The following MAPK8IP1 variants were observed in gnomAD, a reference collection of about 807,000 sequenced individuals.
MAPK8IP1 encodes mitogen-activated protein kinase 8 interacting protein 1.
In MAPK8IP1, 17 loss-of-function variants were observed where a neutral mutation model predicts 72.6. That is an observed-to-expected ratio of 0.23 (90% CI 0.16 to 0.35). The LOEUF is 0.35. MAPK8IP1 is among the 10% of genes least tolerant of loss of function. MAPK8IP1 has a pLI of 1.00. For synonymous variants in MAPK8IP1, 401 were observed against 443.4 expected (o/e 0.90, Z 1.20); for missense variants, 789 against 1,009.7 (o/e 0.78, Z 2.96).
rs1157844434 is a variant in MAPK8IP1 at position 45,885,683 on chromosome 11, G to A, written c.-138G>A. The A allele has an allele frequency of 2.6e-6, 1 of 382,786 alleles. No homozygotes were observed. Among genetic ancestry groups the A allele is most frequent in the Non-Finnish European group, 4.5e-6 (1 of 222,804 alleles). 23.7% of individuals were successfully genotyped at this position (382,786 alleles called of 1,614,324 possible). A position where few individuals can be genotyped will look rare whatever the true frequency, so the allele number is the denominator to read the frequency against. The stretch of plus-strand genomic sequence containing the variant: ...CGGGCCGTGCGCGGTGCTGTGCCGC[G>A]CCCTGCCAGACACAGGTGCGCCCGC... On this transcript the variant is annotated 5_prime_UTR_variant, in exon 1 of 12. Coordinates refer to ENST00000241014, the MANE Select transcript of MAPK8IP1 (RefSeq NM_005456.4).
intron 1 of MAPK8IP1, among the ~76,000 whole-genome samples, chr11:45,886,836 G>T (rs912999109): frequency 2.0e-5 from 3 of 152,120 alleles, no homozygotes; most frequent in African/African-American, 7.2e-5. Context: ...TCGAGAACTG[G>T]CGCCTTCCCC....
Position 45,903,238 on chromosome 11 carries a change from C to G in MAPK8IP1, c.1417+54C>G. Reference sequence around the variant, plus strand: ...GGGGGGGTCCCTAGCGGGGGCAGAGCCAAAATGCGAAGTGTTCTGGGAGGC... The same window carrying G: ...GGGGGGGTCCCTAGCGGGGGCAGAGGCAAAATGCGAAGTGTTCTGGGAGGC... On this transcript the variant is annotated intron_variant, in intron 5 of 11. Coordinates refer to ENST00000241014, the MANE Select transcript of MAPK8IP1 (RefSeq NM_005456.4). The surrounding 1 kb of genome is among the most constrained non-coding windows in gnomAD (Gnocchi z 6.4). The G allele has an allele frequency of 1.3e-6, 2 of 1,587,188 alleles. No homozygotes were observed. The highest frequency in any genetic ancestry group is 1.7e-6 in the Non-Finnish European group (2 of 1,165,282).
At position 45,900,146 on chromosome 11, in the gene MAPK8IP1, C is replaced by T; in HGVS notation, c.216C>T (p.Arg72=). 7.8e-7 allele frequency: 1 copy of T among 1,279,680 alleles called. No individual in the cohort carries two copies. Among genetic ancestry groups the T allele is most frequent in the Non-Finnish European group, 9.8e-7 (1 of 1,018,388 alleles). The allele number at this position is 1,279,680 out of a possible 1,614,324, so 79.3% of individuals were successfully genotyped here. A position where few individuals can be genotyped will look rare whatever the true frequency, so the allele number is the denominator to read the frequency against. ...CKDTLSLRPP[R]AGLLSAGGGG... ...CTCCGTGCGCTGTGCAGCCCCCGCG[C>T]GCCGGGCTGCTCTCTGCGGGCGGCG... Residue 72 remains arginine (R), a synonymous_variant, in exon 3 of 12, where the codon CGC becomes CGT. Coordinates refer to ENST00000241014, the MANE Select transcript of MAPK8IP1 (RefSeq NM_005456.4). The surrounding 1 kb of genome is among the most constrained non-coding windows in gnomAD (Gnocchi z 6.5).
Position 45,885,909 on chromosome 11 carries a change from C to G in MAPK8IP1, c.89C>G (p.Pro30Arg). The G allele has an allele frequency of 6.8e-7, 1 of 1,477,546 alleles. No homozygotes were observed. The highest frequency in any genetic ancestry group is 9.0e-7 in the Non-Finnish European group (1 of 1,110,724). 91.5% of individuals were successfully genotyped at this position (1,477,546 alleles called of 1,614,324 possible). ...SPFLGLHIAS[P>R]PNFRLTHDIS... Reference sequence around the variant, plus strand: ...TTCCTGGGGCTGCACATCGCTTCGCCTCCCAATTTCAGGTGAGAGTCCCCG... The same window carrying G: ...TTCCTGGGGCTGCACATCGCTTCGCGTCCCAATTTCAGGTGAGAGTCCCCG... Residue 30 changes from proline to arginine, a missense_variant, in exon 1 of 12, where the codon CCT becomes CGT. Physicochemically the swap from Pro to Arg is moderately radical, Grantham distance 103. Coordinates refer to ENST00000241014, the MANE Select transcript of MAPK8IP1 (RefSeq NM_005456.4).
intron 1 of MAPK8IP1, among the ~76,000 whole-genome samples, chr11:45,893,903 A>G (rs1411772103): frequency 1.3e-5 from 2 of 151,414 alleles, no homozygotes; most frequent in African/African-American, 2.4e-5. Context: ...GGGACCCCCC[A>G]GGGTTTTAGC....
rs112993823 is a variant in MAPK8IP1, at chr11:45,904,260, G to A, written c.1666+99G>A. On this transcript the variant is annotated intron_variant, in intron 7 of 11. Transcript: ENST00000241014. This position sits in a 1 kb window ranked among gnomAD's most constrained non-coding sequence, Gnocchi z 6.4. ...TACTCCAGATCTCAGCCAGCCAGGT[G>A]GGGGGCTGAGTGGAAGTGATTTTAG... 1.6e-5 allele frequency: 22 copies of A among 1,387,762 alleles called. No individual in the cohort carries two copies. Among genetic ancestry groups the A allele is most frequent in the African/African-American group, 2.9e-5 (2 of 69,842 alleles). 86.0% of individuals were successfully genotyped at this position (1,387,762 alleles called of 1,614,324 possible). A position where few individuals can be genotyped will look rare whatever the true frequency, so the allele number is the denominator to read the frequency against.
rs1431869925 is a variant in MAPK8IP1 at position 45,901,976 on chromosome 11, A to G, written c.523-4A>G. On this transcript the variant is annotated splice_polypyrimidine_tract_variant and splice_region_variant and intron_variant, in intron 3 of 11. Coordinates refer to ENST00000241014, the MANE Select transcript of MAPK8IP1 (RefSeq NM_005456.4). ...ATCACAAGAGCCTTTTGTTCCCTGC[A>G]CAGGACACACTGAATAATAATTCTC... is the stretch of plus-strand genomic sequence containing the variant. 6 of 1,613,078 alleles carry G rather than the reference A, an allele frequency of 3.7e-6. No homozygotes were observed. The highest frequency in any genetic ancestry group is 2.7e-5 in the African/African-American group (2 of 74,894).
rs1462941475 is a variant in MAPK8IP1, at chr11:45,906,427, C to A, written c.*706C>A. On this transcript the variant is annotated 3_prime_UTR_variant, in exon 12 of 12. Transcript: ENST00000241014. ...GGCCAGCCCCATCTTGGTCCTGTCA[C>A]CCTGGCCCCAACTATTAAAGTGCCA... is the stretch of plus-strand genomic sequence containing the variant. 3.5e-6 allele frequency: 4 copies of A among 1,150,612 alleles called. No homozygotes were observed. The African/African-American group carries it at 6.3e-5, about 18-fold the overall frequency. The allele number at this position is 1,150,612 out of a possible 1,614,324, so 71.3% of individuals were successfully genotyped here.
At chr11:45,887,579 C>T (rs747402715) in intron 1 of MAPK8IP1, among the ~76,000 whole-genome samples, 1 of 152,242 alleles carries the variant, frequency 6.6e-6, no homozygotes, top group Non-Finnish European at 1.5e-5. Flanking sequence ...CACTCTACGT[C>T]CCAGCCCTGC....
chr11:45,902,747 C>A lies in MAPK8IP1; in HGVS notation c.980C>A (p.Pro327His). Residue 327 changes from proline to histidine, a missense_variant, in exon 5 of 12, where the codon CCC becomes CAC. Coordinates refer to ENST00000241014, the MANE Select transcript of MAPK8IP1 (RefSeq NM_005456.4). This position sits in a 1 kb window ranked among gnomAD's most constrained non-coding sequence, Gnocchi z 9.3. ...CCCTCCACGGCAGGGCGGCCGCACC[C>A]CTCCATCAGTGAAGAGGAAGAGGGC... is the stretch of plus-strand genomic sequence containing the variant. ...AYPSTAGRPH[P>H]SISEEEEGFD... is the part of the protein sequence containing the mutation. The A allele has an allele frequency of 6.2e-7, 1 of 1,604,610 alleles. No homozygotes were observed. Among genetic ancestry groups the A allele is most frequent in the African/African-American group, 1.3e-5 (1 of 74,996 alleles).
Position 45,902,831 on chromosome 11 carries a change from G to C in MAPK8IP1, c.1064G>C (p.Ser355Thr), listed in dbSNP as rs776086624. 7.6e-6 allele frequency: 12 copies of C among 1,580,220 alleles called. No individual in the cohort carries two copies. In the Admixed American group the frequency reaches 1.6e-4, roughly 21 times the overall value. Reference sequence around the variant, plus strand: ...CCCCCAGGCGGAGGGTGGCGGGGGAGCCTGGGGGAGCCGCCGCCACCTCCA... The same window carrying C: ...CCCCCAGGCGGAGGGTGGCGGGGGACCCTGGGGGAGCCGCCGCCACCTCCA... ...AEPPGGGWRG[S>T]LGEPPPPPRA... Residue 355 changes from serine (S) to threonine (T), a missense_variant, in exon 5 of 12, where the codon AGC (serine) becomes ACC (threonine). Physicochemically the swap from Ser to Thr is moderately conservative, Grantham distance 58. Transcript: ENST00000241014. This position sits in a 1 kb window ranked among gnomAD's most constrained non-coding sequence, Gnocchi z 9.3.
At position 45,903,277 on chromosome 11, in the gene MAPK8IP1, A is replaced by C; in HGVS notation, c.1418-88A>C. ...GTTCTGGGAGGCGACCCCAGGCCCC[A>C]TCTGGTTAGGACTGAGGCTTCTACC... is the stretch of plus-strand genomic sequence containing the variant. On this transcript the variant is annotated intron_variant, in intron 5 of 11. Coordinates refer to ENST00000241014, the MANE Select transcript of MAPK8IP1 (RefSeq NM_005456.4). The surrounding 1 kb of genome is among the most constrained non-coding windows in gnomAD (Gnocchi z 6.4). 1 of 1,584,868 alleles carries C rather than the reference A, an allele frequency of 6.3e-7. No homozygotes were observed. Among genetic ancestry groups the C allele is most frequent in the Non-Finnish European group, 8.6e-7 (1 of 1,159,244 alleles).
chr11:45,895,562 G>A (rs182923418), intron 1 of MAPK8IP1, among the ~76,000 whole-genome samples: 1 of 150,792 alleles, frequency 6.6e-6, no homozygotes, highest in African/African-American at 2.4e-5. Context: ...AGAGGCTGCG[G>A]TGAGCCAAGA....
In MAPK8IP1 at chr11:45,903,100, G is replaced by A. The variant is rs1162198438; in HGVS notation, c.1333G>A (p.Glu445Lys). The change falls in exon 5 of 12, where the codon GAG (glutamate) becomes AAG (lysine). Residue 445 changes from glutamate (E) to lysine (K), a missense_variant. Coordinates refer to ENST00000241014, the MANE Select transcript of MAPK8IP1 (RefSeq NM_005456.4). The surrounding 1 kb of genome is among the most constrained non-coding windows in gnomAD (Gnocchi z 6.4). ...PRPQPPACLS[E>K]DSTPDEPDVH... ...GCCCCAGCCCCCTGCCTGCCTCTCC[G>A]AGGACTCCACGCCTGATGAACCCGA... 16 of 1,611,360 alleles carry A rather than the reference G, an allele frequency of 9.9e-6. No individual in the cohort carries two copies. Among genetic ancestry groups the A allele is most frequent in the East Asian group, 2.2e-5 (1 of 44,884 alleles).
Position 45,904,296 on chromosome 11 carries a change from C to T in MAPK8IP1, c.1666+135C>T, listed in dbSNP as rs1342887691. The T allele has an allele frequency of 1.8e-5, 22 of 1,249,262 alleles. No homozygotes were observed. Among genetic ancestry groups the T allele is most frequent in the Middle Eastern group, 2.4e-4 (1 of 4,160 alleles). 77.4% of individuals were successfully genotyped at this position (1,249,262 alleles called of 1,614,324 possible). On this transcript the variant is annotated intron_variant, in intron 7 of 11. Transcript: ENST00000241014. This position sits in a 1 kb window ranked among gnomAD's most constrained non-coding sequence, Gnocchi z 6.4. ...TGGAAGTGATTTTAGGTCCTTTTCACGATCAAGCAAAGTGAGGCCCGGCCA... is the reference window on the plus strand; with the variant it reads ...TGGAAGTGATTTTAGGTCCTTTTCATGATCAAGCAAAGTGAGGCCCGGCCA...
At position 45,902,352 on chromosome 11, in the gene MAPK8IP1, A is replaced by T. The variant is rs1218733819; in HGVS notation, c.605-20A>T. ...GAGTTGGGAGAGAGCCCCTGCCTTC[A>T]TGACCTGCCTGCTCTCCAGGGGAGC... On this transcript the variant is annotated intron_variant, in intron 4 of 11. Coordinates refer to ENST00000241014, the MANE Select transcript of MAPK8IP1 (RefSeq NM_005456.4). The surrounding 1 kb of genome is among the most constrained non-coding windows in gnomAD (Gnocchi z 9.3). The T allele has an allele frequency of 1.3e-6, 2 of 1,545,382 alleles. No homozygotes were observed. The highest frequency in any genetic ancestry group is 1.8e-6 in the Non-Finnish European group (2 of 1,142,340).
intron 2 of MAPK8IP1, among the ~76,000 whole-genome samples, chr11:45,899,308 G>C (rs568670323): frequency 3.4e-4 from 52 of 152,348 alleles, no homozygotes; most frequent in Non-Finnish European, 6.9e-4. Flanking sequence ...GGTTGCCTCC[G>C]AGCTAGGCAG....
Position 45,900,494 on chromosome 11 carries a change from G to A in MAPK8IP1, c.522+42G>A, listed in dbSNP as rs980010506. 29 of 1,527,900 alleles carry A rather than the reference G, an allele frequency of 1.9e-5. No individual in the cohort carries two copies. The African/African-American group carries it at 3.5e-4, about 18-fold the overall frequency. 94.6% of individuals were successfully genotyped at this position (1,527,900 alleles called of 1,614,324 possible). ...GGGGGCGGCGCCCTGGGCCGCCGCG[G>A]AGATGTGAGGGGGAGCGCAGAGGGG... is the stretch of plus-strand genomic sequence containing the variant. On this transcript the variant is annotated intron_variant, in intron 3 of 11. Coordinates refer to ENST00000241014, the MANE Select transcript of MAPK8IP1 (RefSeq NM_005456.4). This position sits in a 1 kb window ranked among gnomAD's most constrained non-coding sequence, Gnocchi z 6.5.
chr11:45,886,503 A>G (rs558328142), intron 1 of MAPK8IP1, among the ~76,000 whole-genome samples: 1 of 152,280 alleles, frequency 6.6e-6, no homozygotes, highest in African/African-American at 2.4e-5. Flanking sequence ...GCTCAGCCTC[A>G]ACCAGGGGAA....
Sources: gnomAD v4.1 joint callset for allele counts (sites outside exome capture counted in the v4.1 genomes callset) on GRCh38, gnomAD v4.1.1 for gene constraint, Gnocchi (gnomAD v3.1) non-coding constraint, MANE v1.5 for transcripts, NCBI Gene and HGNC (gene_info 2026-07-23, HGNC 2026-07-21) for gene names.